The following PLEKHA5 variants were observed in gnomAD, a reference collection of about 807,000 sequenced individuals.
PLEKHA5 encodes the protein pleckstrin homology domain-containing family A member 5.
Under a neutral mutation model 181.9 loss-of-function variants are expected in PLEKHA5, and 55 were observed. That is an observed-to-expected ratio of 0.30 (90% CI 0.24 to 0.38). The LOEUF (loss-of-function observed/expected upper bound fraction) is 0.38. PLEKHA5 is among the 10% of genes least tolerant of loss of function. The pLI is 1.00. For missense variants in PLEKHA5, 1,432 were observed against 1,549.5 expected (o/e 0.92, Z 1.27); for synonymous variants, 535 against 529.4 (o/e 1.01, Z -0.15).
In PLEKHA5 at chr12:19,250,925, A is replaced by G. The variant is rs138091937; in HGVS notation, c.228-3015A>G. 4.6e-5 allele frequency among the ~76,000 whole-genome samples: 7 copies of G among 152,342 alleles called. No individual in the cohort carries two copies. The East Asian group carries it at 1.3e-3, about 29-fold the overall frequency. Reference sequence around the variant, plus strand: ...GGGAAAATGGATCTAGGAGCACACTACACAAAAACTTCATTAGTGACACAT... The same window carrying G: ...GGGAAAATGGATCTAGGAGCACACTGCACAAAAACTTCATTAGTGACACAT... On this transcript the variant is annotated intron_variant, in intron 3 of 31. Coordinates refer to ENST00000429027, the MANE Select transcript of PLEKHA5 (RefSeq NM_001256470.2).
Position 19,354,507 on chromosome 12 carries a change from G to A in PLEKHA5, c.3138+505G>A, listed in dbSNP as rs141951239. Reference sequence around the variant, plus strand: ...ATTGTTTTTTTTTTTTTGAGATGGAGTCTCGCTCTCTCGCCTGGGCTGGAG... The same window carrying A: ...ATTGTTTTTTTTTTTTTGAGATGGAATCTCGCTCTCTCGCCTGGGCTGGAG... On this transcript the variant is annotated intron_variant, in intron 26 of 31. Transcript: ENST00000429027. Among the ~76,000 whole-genome samples, 915 of 142,620 alleles carry A rather than the reference G, an allele frequency of 6.4e-3. 8 individuals carry two copies. The highest frequency in any genetic ancestry group is 0.023 in the African/African-American group (865 of 38,250). 93.6% of individuals were successfully genotyped at this position (142,620 alleles called of 152,430 possible).
chr12:19,147,133 G>A (rs2039121626), intron 3 of PLEKHA5: 1 of 152,178 alleles, frequency 6.6e-6, no homozygotes. Flanking sequence ...GCTCAGAGTG[G>A]TTTAGAAATG....
intron 3 of PLEKHA5, among the ~76,000 whole-genome samples, chr12:19,181,815 A>G (rs2048665134): frequency 6.6e-6 from 1 of 152,110 alleles, no homozygotes; most frequent in Non-Finnish European, 1.5e-5. Context: ...TATTAATCTA[A>G]GACAACTAAG....
At chr12:19,141,209 G>T (rs887306489) in intron 3 of PLEKHA5, among the ~76,000 whole-genome samples, 5 of 152,050 alleles carry the variant, frequency 3.3e-5, no homozygotes, top group Non-Finnish European at 5.9e-5. Flanking sequence ...CAGAAAAAAT[G>T]GTTACGTGCA....
At chr12:19,159,295 G>C (rs1241515969) in intron 3 of PLEKHA5, among the ~76,000 whole-genome samples, 1 of 152,094 alleles carries the variant, frequency 6.6e-6, no homozygotes, top group Non-Finnish European at 1.5e-5. Context: ...CCCAAAAGAA[G>C]TAAATTGGGC....
intron 26 of PLEKHA5, among the ~76,000 whole-genome samples, chr12:19,357,278 C>T (rs1167019689): frequency 1.6e-5 from 2 of 128,800 alleles, no homozygotes; most frequent in Admixed American, 1.8e-4. Context: ...TTTTTTGAGA[C>T]AGACTCTCAC....
At chr12:19,344,680 T>A (rs1235029117) in intron 22 of PLEKHA5, among the ~76,000 whole-genome samples, 1 of 152,248 alleles carries the variant, frequency 6.6e-6, no homozygotes, top group Non-Finnish European at 1.5e-5. Context: ...TTTCACATTA[T>A]GTTAATACCA....
chr12:19,246,614 CA>C lies in PLEKHA5; in HGVS notation c.228-7310del, dbSNP rs71440397. ...TCCAGCCTGGGCAACAGAGCAAGAC[CA>C]AAAAAAAAAAAAAAACAATCTAGTA... On this transcript the variant is annotated intron_variant, in intron 3 of 31. Transcript: ENST00000429027. 5.4e-3 allele frequency among the ~76,000 whole-genome samples: 522 copies of C among 96,652 alleles called. 1 individual carries two copies. The highest frequency in any genetic ancestry group is 0.011 in the African/African-American group (286 of 25,978). 63.4% of individuals were successfully genotyped at this position (96,652 alleles called of 152,430 possible).
chr12:19,306,914 A>T (rs886109472), intron 15 of PLEKHA5: 9 of 838,270 alleles, frequency 1.1e-5, no homozygotes, highest in Non-Finnish European at 1.8e-5. Flanking sequence ...GCACCAGCTA[A>T]TGCAATGGCA....
intron 3 of PLEKHA5, among the ~76,000 whole-genome samples, chr12:19,213,256 G>C (rs2152217105): frequency 6.6e-6 from 1 of 151,872 alleles, no homozygotes; most frequent in Non-Finnish European, 1.5e-5. Flanking sequence ...GATTATGTCT[G>C]TGTTGGGTTT....
rs547893006 is a variant in PLEKHA5, at chr12:19,326,863, A to G, written c.2448+4196A>G. On this transcript the variant is annotated intron_variant, in intron 20 of 31. Transcript: ENST00000429027. ...ATTAATTTACTTAGGATAATGGCCT[A>G]TGGCTGCATCCATGATGCTGCAAAG... Among the ~76,000 whole-genome samples the G allele has an allele frequency of 2.0e-5, 3 of 152,302 alleles. No homozygotes were observed. In the South Asian group the frequency reaches 6.2e-4, roughly 32 times the overall value.
At chr12:19,368,336 A>G (rs1452053327) in intron 30 of PLEKHA5, among the ~76,000 whole-genome samples, 1 of 152,084 alleles carries the variant, frequency 6.6e-6, no homozygotes, top group East Asian at 1.9e-4. Context: ...ACTAAAAATA[A>G]TGCTTTTAAA....
chr12:19,361,862 A>G (rs1418561446), intron 29 of PLEKHA5, among the ~76,000 whole-genome samples, 156 bp downstream of exon 29: 1 of 152,126 alleles, frequency 6.6e-6, no homozygotes, highest in African/African-American at 2.4e-5. Context: ...TAAACTACAC[A>G]TTCCTCACTT....
At chr12:19,302,537 A>G (rs1314653997) in intron 15 of PLEKHA5, among the ~76,000 whole-genome samples, 1 of 152,076 alleles carries the variant, frequency 6.6e-6, no homozygotes, top group Non-Finnish European at 1.5e-5. Flanking sequence ...CTAGGATTAC[A>G]GGCGCCCACC....
At chr12:19,200,004 G>A (rs138438419) in intron 3 of PLEKHA5, among the ~76,000 whole-genome samples, 174 of 152,214 alleles carry the variant, frequency 1.1e-3, no homozygotes, top group African/African-American at 4.0e-3. Context: ...CTGGAGAAAG[G>A]TTGGTTAGTG....
At chr12:19,222,270 G>A (rs1262543030) in intron 3 of PLEKHA5, among the ~76,000 whole-genome samples, 1 of 152,084 alleles carries the variant, frequency 6.6e-6, no homozygotes, top group African/African-American at 2.4e-5. Context: ...TGGAGTTACA[G>A]ATGGGTTGGA....
At chr12:19,346,013 T>C in intron 23 of PLEKHA5, 125 bp downstream of exon 23, 1 of 452,864 alleles carries the variant, frequency 2.2e-6, no homozygotes, top group Non-Finnish European at 4.0e-6. Context: ...AGATATTGTT[T>C]TAGTCTTGAA....
intron 20 of PLEKHA5, 37 bp downstream of exon 20, chr12:19,322,704 T>C (rs768405578): frequency 2.0e-6 from 3 of 1,504,208 alleles, no homozygotes; most frequent in Non-Finnish European, 2.7e-6. Context: ...TAAAAGTAGC[T>C]TAAATATGTA....
At chr12:19,191,052 G>T (rs922335292) in intron 3 of PLEKHA5, among the ~76,000 whole-genome samples, 1 of 151,990 alleles carries the variant, frequency 6.6e-6, no homozygotes, top group African/African-American at 2.4e-5. Flanking sequence ...ACCATGACTC[G>T]CAATAAGAAA....
Sources: allele counts gnomAD v4.1 joint callset (sites outside exome capture counted in the v4.1 genomes callset), GRCh38; gene constraint gnomAD v4.1.1; transcripts MANE v1.5; gene names NCBI Gene and HGNC (gene_info 2026-07-23, HGNC 2026-07-21).